The following BRAP variants were observed in gnomAD, a reference collection of about 807,000 sequenced individuals.
BRAP encodes the protein BRCA1-associated protein.
Under a neutral mutation model 73.4 loss-of-function variants are expected in BRAP, and 42 were observed. The ratio of observed to expected loss-of-function variants is 0.57; its 90% CI spans 0.45 to 0.74. The LOEUF (loss-of-function observed/expected upper bound fraction) is 0.74, where lower values mean the gene tolerates loss of function less well. Ranked by LOEUF, BRAP falls within the 30% of genes least tolerant of loss-of-function variation. The probability of loss-of-function intolerance (pLI) is 0.00; values close to 1 mark genes in which losing one functional copy is unlikely to be tolerated. For synonymous variants in BRAP, 255 were observed against 267.4 expected (o/e 0.95, Z 0.45); for missense variants, 593 against 751.4 (o/e 0.79, Z 2.46).
intron 10 of BRAP, 111 bp downstream of exon 10, chr12:111,655,455 A>G: frequency 2.4e-6 from 2 of 840,900 alleles, no homozygotes. Context: ...TACCTGCCTG[A>G]GAAGGGAAGA....
intron 3 of BRAP, among the ~76,000 whole-genome samples, chr12:111,681,271 G>A (rs568165763): frequency 5.4e-4 from 82 of 152,086 alleles, no homozygotes; most frequent in African/African-American, 1.9e-3. Flanking sequence ...TTGGGAGGCT[G>A]AGGAAGGAGA....
chr12:111,665,935 C>G lies in BRAP; in HGVS notation c.748-148G>C. Reference sequence around the variant, plus strand: ...ATGGCTCATTACAGCCTTGACCTCCCAGGCTCAAGAGATCTGCCCACCTCA... The same window carrying G: ...ATGGCTCATTACAGCCTTGACCTCCGAGGCTCAAGAGATCTGCCCACCTCA... On this transcript the variant is annotated intron_variant, in intron 5 of 11. Coordinates refer to ENST00000419234, the MANE Select transcript of BRAP (RefSeq NM_006768.5). This position sits in a 1 kb window ranked among gnomAD's most constrained non-coding sequence, Gnocchi z 4.3. The G allele has an allele frequency of 8.9e-7, 1 of 1,124,676 alleles. No homozygotes were observed. Among genetic ancestry groups the G allele is most frequent in the Non-Finnish European group, 1.3e-6 (1 of 798,114 alleles). The allele number at this position is 1,124,676 out of a possible 1,614,324, so 69.7% of individuals were successfully genotyped here. A position where few individuals can be genotyped will look rare whatever the true frequency, so the allele number is the denominator to read the frequency against.
At chr12:111,647,207 G>A (rs545396318) in intron 11 of BRAP, among the ~76,000 whole-genome samples, 12 of 152,260 alleles carry the variant, frequency 7.9e-5, no homozygotes, top group African/African-American at 2.6e-4. Context: ...GTAGCTGGAG[G>A]TTGCAGTGAA....
In BRAP at chr12:111,643,551, A is replaced by G. The variant is rs375842214; in HGVS notation, c.*648T>C. 1 of 152,234 alleles carries G rather than the reference A, an allele frequency of 6.6e-6. No homozygotes were observed. The highest frequency in any genetic ancestry group is 2.1e-4 in the South Asian group (1 of 4,824). 9.4% of individuals were successfully genotyped at this position (152,234 alleles called of 1,614,324 possible). A position where few individuals can be genotyped will look rare whatever the true frequency, so the allele number is the denominator to read the frequency against. The stretch of plus-strand genomic sequence containing the variant: ...ATTTTTCCTACACTGAGTCTACCCA[A>G]TGTGCCCCGGGTTGTTTGTTTTTCC... On this transcript the variant is annotated 3_prime_UTR_variant, in exon 12 of 12. Coordinates refer to ENST00000419234, the MANE Select transcript of BRAP (RefSeq NM_006768.5).
At chr12:111,664,350 G>T (rs1382851884) in intron 6 of BRAP, among the ~76,000 whole-genome samples, 1 of 152,094 alleles carries the variant, frequency 6.6e-6, no homozygotes, top group Non-Finnish European at 1.5e-5. Flanking sequence ...AGTAAAACTG[G>T]AGTGGCGGGG....
At position 111,678,582 on chromosome 12, in the gene BRAP, G is replaced by C. The variant is rs538852703; in HGVS notation, c.633+569C>G. On this transcript the variant is annotated intron_variant, in intron 4 of 11. Coordinates refer to ENST00000419234, the MANE Select transcript of BRAP (RefSeq NM_006768.5). The stretch of plus-strand genomic sequence containing the variant: ...TGAGGCAGGAAAATCGCTTGAACCC[G>C]GGAGGCGGAGGTTGCAGTGAGCCGA... 1.9e-4 allele frequency among the ~76,000 whole-genome samples: 28 copies of C among 151,000 alleles called. No individual in the cohort carries two copies. The South Asian group carries it at 2.7e-3, about 15-fold the overall frequency.
chr12:111,674,822 G>T (rs1444532247), intron 4 of BRAP, among the ~76,000 whole-genome samples: 1 of 152,162 alleles, frequency 6.6e-6, no homozygotes, highest in Non-Finnish European at 1.5e-5. Flanking sequence ...TTTTGGCTAA[G>T]TAAGCAGCAA....
In BRAP at chr12:111,659,634, A is replaced by G. The variant is rs142467179; in HGVS notation, c.973-289T>C. On this transcript the variant is annotated intron_variant, in intron 7 of 11. Coordinates refer to ENST00000419234, the MANE Select transcript of BRAP (RefSeq NM_006768.5). ...GTGCCACTGCACTCCAGCCTGGGTG[A>G]TAAGAACAAGACTCTGTCTTAAAAC... Among the ~76,000 whole-genome samples the G allele has an allele frequency of 5.1e-3, 783 of 152,242 alleles. 2 individuals are homozygous for G. The highest frequency in any genetic ancestry group is 0.018 in the African/African-American group (736 of 41,538).
intron 11 of BRAP, 57 bp downstream of exon 11, chr12:111,649,882 G>A: frequency 8.0e-7 from 1 of 1,248,062 alleles, no homozygotes; most frequent in South Asian, 1.4e-5. Flanking sequence ...CCATAGGAAT[G>A]AAAGAAACTG....
rs1407577993 is a variant in BRAP at position 111,658,818 on chromosome 12, C to T, written c.1139G>A (p.Ser380Asn). Residue 380 changes from serine to asparagine, a missense_variant, in exon 9 of 12, where the codon AGT becomes AAT. By Grantham distance (46) the Ser-to-Asn change is conservative. Transcript: ENST00000419234. ...CTGTACTATTTTTCCATCTGTTTTACTTGCAACCAGTCGATGAACATAGTT... is the reference window on the plus strand; with the variant it reads ...CTGTACTATTTTTCCATCTGTTTTATTTGCAACCAGTCGATGAACATAGTT... ...GDNYVHRLVA[S>N]KTDGKIVQYE... 10 of 1,612,142 alleles carry T rather than the reference C, an allele frequency of 6.2e-6. No individual in the cohort carries two copies. In the South Asian group the frequency reaches 1.1e-4, roughly 18 times the overall value.
Position 111,679,338 on chromosome 12 carries a change from T to C in BRAP, c.446A>G (p.Lys149Arg), listed in dbSNP as rs1450817349. The C allele has an allele frequency of 2.6e-6, 4 of 1,525,676 alleles. No individual in the cohort carries two copies. The highest frequency in any genetic ancestry group is 4.6e-5 in the East Asian group (2 of 43,350). The allele number at this position is 1,525,676 out of a possible 1,614,324, so 94.5% of individuals were successfully genotyped here. The part of the protein sequence containing the change: ...HGIMHLYKTN[K>R]MTSLKEDVRR... ...CACATCTTCTTTTAAGGAGGTCATC[T>C]TACTAACAAAAAAAAAATTAGAGTG... The change falls in exon 4 of 12, where the codon AAG becomes AGG. Residue 149 changes from lysine to arginine, a missense_variant and splice_region_variant. Around this residue, in one of 4 missense-constraint regions of BRAP, gnomAD observed 304 missense variants for 337.7 expected, o/e 0.90. Transcript: ENST00000419234.
chr12:111,655,334 TAAAA>T (rs200896032), intron 10 of BRAP, among the ~76,000 whole-genome samples: 4 of 122,286 alleles, frequency 3.3e-5, no homozygotes, highest in African/African-American at 3.0e-5. Flanking sequence ...GACTGAGGTT[TAAAA>T]AAAAAAAAAA....
intron 5 of BRAP, among the ~76,000 whole-genome samples, chr12:111,668,396 T>G (rs1156247045): frequency 6.6e-6 from 1 of 152,146 alleles, no homozygotes; most frequent in Non-Finnish European, 1.5e-5. Flanking sequence ...AAATGCTTAA[T>G]ATGTACATTT....
chr12:111,660,577 C>A (rs1886709267), intron 7 of BRAP, 23 bp downstream of exon 7: 1 of 1,581,802 alleles, frequency 6.3e-7, no homozygotes, highest in South Asian at 1.2e-5. Context: ...ATTCTTTGTT[C>A]TTTTCCATCA....
At chr12:111,671,681 CTT>C (rs980479092) in intron 5 of BRAP, among the ~76,000 whole-genome samples, 27 of 113,090 alleles carry the variant, frequency 2.4e-4, no homozygotes, top group African/African-American at 4.1e-4. Context: ...AACAGAGAGA[CTT>C]TTTTTTTTTT....
intron 6 of BRAP, among the ~76,000 whole-genome samples, chr12:111,664,642 TGA>T (rs1886871665): frequency 6.6e-6 from 1 of 152,126 alleles, no homozygotes; most frequent in South Asian, 2.1e-4. Context: ...CCACCAGGTG[TGA>T]GAGACACAGC....
intron 4 of BRAP, among the ~76,000 whole-genome samples, chr12:111,675,225 C>T (rs901418149): frequency 1.3e-5 from 2 of 151,694 alleles, no homozygotes; most frequent in Non-Finnish European, 2.9e-5. Context: ...CGTGCCACTG[C>T]AGTCCAGCCT....
chr12:111,685,593 CG>C (rs1359074738), intron 1 of BRAP, 117 bp downstream of exon 1: 1 of 1,388,034 alleles, frequency 7.2e-7, no homozygotes, highest in African/African-American at 1.5e-5. Context: ...ATTACCTCTC[CG>C]TGTCTTCCTG....
At chr12:111,645,620 A>G (rs755398708) in intron 11 of BRAP, among the ~76,000 whole-genome samples, 1 of 152,182 alleles carries the variant, frequency 6.6e-6, no homozygotes, top group Non-Finnish European at 1.5e-5. Context: ...AAAGGGCTTT[A>G]GACTTGGGAG....
Sources: allele counts gnomAD v4.1 joint callset (sites outside exome capture counted in the v4.1 genomes callset), GRCh38; gene constraint gnomAD v4.1.1; regional missense constraint gnomAD v4.1.1; non-coding constraint Gnocchi (gnomAD v3.1); transcripts MANE v1.5; gene names NCBI Gene and HGNC (gene_info 2026-07-23, HGNC 2026-07-21).